STK24: variants seen among roughly 807,000 people sequenced by gnomAD.
STK24 encodes serine/threonine kinase 24.
STK24 carries 21 observed loss-of-function variants against 55.6 expected under a neutral mutation model. The observed-to-expected ratio is 0.38, with a 90% confidence interval of 0.27 to 0.54. The LOEUF (loss-of-function observed/expected upper bound fraction) is 0.54. Ranked by LOEUF, STK24 falls within the 20% of genes least tolerant of loss-of-function variation. The pLI is 0.79. For synonymous variants in STK24, 200 were observed against 215.2 expected (o/e 0.93, Z 0.62); for missense variants, 383 against 538.4 (o/e 0.71, Z 2.86).
intron 2 of STK24, among the ~76,000 whole-genome samples, chr13:98,499,237 C>CAA (rs138759745): frequency 3.3e-4 from 48 of 147,390 alleles, no homozygotes; most frequent in East Asian, 1.8e-3. Context: ...GACTCTATCT[C>CAA]AAAAAAAAAA....
chr13:98,464,630 G>A (rs1893861329), intron 6 of STK24, among the ~76,000 whole-genome samples: 1 of 151,114 alleles, frequency 6.6e-6, no homozygotes, highest in Non-Finnish European at 1.5e-5. Context: ...TGGGTAGCTG[G>A]GATTACAGGC....
chr13:98,526,861 G>T (rs1316369253), intron 1 of STK24, among the ~76,000 whole-genome samples: 9 of 152,134 alleles, frequency 5.9e-5, no homozygotes, highest in Admixed American at 4.6e-4. Context: ...TGCGGGTGTA[G>T]AACACGTTAT....
At chr13:98,460,488 A>G (rs2139251858) in intron 8 of STK24, 48 bp from the exon 9 acceptor site, 2 of 1,513,352 alleles carry the variant, frequency 1.3e-6, no homozygotes, top group Non-Finnish European at 1.8e-6. Context: ...TGACGTTCAC[A>G]TTGGCAATAA....
At chr13:98,542,324 CTCTCG>C (rs1440394556) in intron 1 of STK24, among the ~76,000 whole-genome samples, 1 of 152,034 alleles carries the variant, frequency 6.6e-6, no homozygotes, top group African/African-American at 2.4e-5. Context: ...CCAGCCAACT[CTCTCG>C]TCTGTTAAGG....
intron 1 of STK24, among the ~76,000 whole-genome samples, chr13:98,564,689 C>T (rs747902695): frequency 1.8e-4 from 28 of 152,220 alleles, no homozygotes; most frequent in African/African-American, 5.8e-4. Context: ...TGTTCTAGTT[C>T]GGGGTTTTCC....
chr13:98,543,927 G>T (rs1291527843), intron 1 of STK24, among the ~76,000 whole-genome samples: 1 of 152,104 alleles, frequency 6.6e-6, no homozygotes, highest in African/African-American at 2.4e-5. Flanking sequence ...TTGATCCTAG[G>T]CTTCATAAGA....
intron 1 of STK24, among the ~76,000 whole-genome samples, chr13:98,564,715 C>T (rs1194359690): frequency 2.6e-5 from 4 of 152,070 alleles, no homozygotes; most frequent in Admixed American, 1.3e-4. Context: ...GACTACTGCA[C>T]CCTAGATCTT....
chr13:98,524,590 C>A (rs1335133000), intron 1 of STK24, among the ~76,000 whole-genome samples: 5 of 152,216 alleles, frequency 3.3e-5, no homozygotes, highest in African/African-American at 1.2e-4. Context: ...AAAAACCACC[C>A]ATTCACCCCA....
At chr13:98,484,482 G>A (rs1265482605) in intron 2 of STK24, among the ~76,000 whole-genome samples, 1 of 152,144 alleles carries the variant, frequency 6.6e-6, no homozygotes, top group Non-Finnish European at 1.5e-5. Flanking sequence ...AGCCAGCTGT[G>A]CAATATGACA....
At chr13:98,569,966 T>C (rs2139465634) in intron 1 of STK24, among the ~76,000 whole-genome samples, 1 of 150,248 alleles carries the variant, frequency 6.7e-6, no homozygotes, top group Non-Finnish European at 1.5e-5. Context: ...AACCTCCGCC[T>C]CCCAGGTTCA....
In STK24 at chr13:98,448,798, G is replaced by GATTTA. The variant is rs1566332266; in HGVS notation, c.*4374_*4375insTAAAT. On this transcript the variant is annotated 3_prime_UTR_variant, in exon 11 of 11. Coordinates refer to ENST00000539966, the MANE Select transcript of STK24 (RefSeq NM_001032296.4). ...CCTTAAGCAAATGAGATCATTTTCA[G>GATTTA]ATTTCATTTTTTTTTTCAGTCTTTC... The GATTTA allele has an allele frequency of 3.8e-5, 5 of 130,342 alleles. No homozygotes were observed. Among genetic ancestry groups the GATTTA allele is most frequent in the Non-Finnish European group, 8.9e-5 (5 of 56,300 alleles). 8.1% of individuals were successfully genotyped at this position (130,342 alleles called of 1,614,324 possible). A position where few individuals can be genotyped will look rare whatever the true frequency, so the allele number is the denominator to read the frequency against.
intron 6 of STK24, among the ~76,000 whole-genome samples, chr13:98,464,374 G>C (rs61969406): frequency 0.17 from 25,196 of 151,468 alleles, 2,620 homozygotes; most frequent in Non-Finnish European, 0.24. Flanking sequence ...AGCCGAGATC[G>C]CGCCACTGCA....
intron 5 of STK24, among the ~76,000 whole-genome samples, chr13:98,469,108 C>T (rs952930556): frequency 1.1e-4 from 16 of 152,196 alleles, no homozygotes; most frequent in African/African-American, 3.6e-4. Context: ...AGCAGGCGGC[C>T]GAACGCCTGC....
intron 2 of STK24, among the ~76,000 whole-genome samples, chr13:98,512,307 A>C (rs1425768394): frequency 2.6e-5 from 4 of 152,228 alleles, no homozygotes; most frequent in African/African-American, 9.6e-5. Flanking sequence ...GATCTTACAT[A>C]GGTCGATGAT....
At chr13:98,520,835 A>G (rs372287754) in intron 1 of STK24, among the ~76,000 whole-genome samples, 2 of 152,362 alleles carry the variant, frequency 1.3e-5, no homozygotes, top group East Asian at 3.9e-4. Flanking sequence ...ATATCGCCAC[A>G]ATGACACACG....
At chr13:98,559,685 TG>T (rs1897368609) in intron 1 of STK24, among the ~76,000 whole-genome samples, 1 of 152,192 alleles carries the variant, frequency 6.6e-6, no homozygotes, top group African/African-American at 2.4e-5. Context: ...TTTCTTAAAG[TG>T]TACTTCTATC....
At chr13:98,482,066 CAAA>C (rs34520150) in intron 3 of STK24, among the ~76,000 whole-genome samples, 196 bp downstream of exon 3, 3 of 99,958 alleles carry the variant, frequency 3.0e-5, no homozygotes, top group Non-Finnish European at 2.1e-5. Context: ...GACTCTATCT[CAAA>C]AAAAAAAAAA....
At chr13:98,576,309 G>T in intron 1 of STK24, 1 of 827,312 alleles carries the variant, frequency 1.2e-6, no homozygotes, top group South Asian at 5.4e-5. Context: ...CCGGGGGTGG[G>T]GGACGAGCCT....
intron 1 of STK24, among the ~76,000 whole-genome samples, chr13:98,566,373 G>A (rs1032858652): frequency 6.6e-6 from 1 of 152,256 alleles, no homozygotes; most frequent in Non-Finnish European, 1.5e-5. Context: ...ATGTGGTGCA[G>A]GGAATCTGAC....
Sources: gnomAD v4.1 joint callset for allele counts (sites outside exome capture counted in the v4.1 genomes callset) on GRCh38, gnomAD v4.1.1 for gene constraint, MANE v1.5 for transcripts, NCBI Gene and HGNC (gene_info 2026-07-23, HGNC 2026-07-21) for gene names.